SIL1: variants seen among roughly 807,000 people sequenced by gnomAD.
The protein encoded by SIL1 is nucleotide exchange factor SIL1.
SIL1 carries 40 observed loss-of-function variants against 49.1 expected under a neutral mutation model. The observed-to-expected ratio is 0.81, with a 90% CI of 0.63 to 1.06. The LOEUF (loss-of-function observed/expected upper bound fraction) is 1.06, where lower values mean the gene tolerates loss of function less well. Ranked by LOEUF, SIL1 falls within the 50% of genes least tolerant of loss-of-function variation. The pLI is 0.00. For missense variants in SIL1, 500 were observed against 572.6 expected, an observed-to-expected ratio of 0.87 and a Z score of 1.29; for synonymous variants, 253 against 250.8, an observed-to-expected ratio of 1.01 and a Z score of -0.08.
At chr5:139,166,653 C>A (rs1751629663) in intron 1 of SIL1, among the ~76,000 whole-genome samples, 1 of 152,182 alleles carries the variant, frequency 6.6e-6, no homozygotes, top group South Asian at 2.1e-4. Flanking sequence ...GACTTTTTTT[C>A]TTTTTCCTGA....
intron 3 of SIL1, among the ~76,000 whole-genome samples, chr5:139,060,914 A>G (rs1769572752): frequency 6.6e-6 from 1 of 152,174 alleles, no homozygotes; most frequent in Non-Finnish European, 1.5e-5. Context: ...CCCTGGCAGA[A>G]GGACAGGTAA....
At chr5:139,113,323 A>T (rs1195404090) in intron 3 of SIL1, among the ~76,000 whole-genome samples, 9 of 123,180 alleles carry the variant, frequency 7.3e-5, no homozygotes, top group African/African-American at 2.1e-4. Flanking sequence ...AAATAAATAA[A>T]TAAATTTAAA....
intron 4 of SIL1, 126 bp downstream of exon 4, chr5:139,050,812 C>T: frequency 1.2e-6 from 1 of 810,820 alleles, no homozygotes; most frequent in Non-Finnish European, 2.1e-6. Flanking sequence ...ACAGATTTAT[C>T]ACAAATTCTA....
chr5:139,009,136 C>G (rs1404424424), intron 7 of SIL1, among the ~76,000 whole-genome samples: 1 of 151,414 alleles, frequency 6.6e-6, no homozygotes, highest in East Asian at 1.9e-4. Flanking sequence ...CGTTATGAAT[C>G]TGGGTGCTCC....
At chr5:139,092,880 T>A (rs765782101) in intron 3 of SIL1, among the ~76,000 whole-genome samples, 1 of 152,188 alleles carries the variant, frequency 6.6e-6, no homozygotes, top group Non-Finnish European at 1.5e-5. Flanking sequence ...GGAAACTTAA[T>A]CCTGAATGTG....
intron 1 of SIL1, among the ~76,000 whole-genome samples, chr5:139,146,872 A>G (rs2151803858): frequency 6.6e-6 from 1 of 152,238 alleles, no homozygotes; most frequent in East Asian, 1.9e-4. Context: ...TTTCTGTTGG[A>G]TTTTATTTGC....
At chr5:138,964,957 C>T (rs533873284) in intron 7 of SIL1, among the ~76,000 whole-genome samples, 88 of 152,288 alleles carry the variant, frequency 5.8e-4, no homozygotes, top group Non-Finnish European at 9.8e-4. Flanking sequence ...TGAGGGAACC[C>T]GACAAGAAAG....
chr5:139,134,162 G>A (rs1750925005), intron 1 of SIL1, among the ~76,000 whole-genome samples: 1 of 152,162 alleles, frequency 6.6e-6, no homozygotes. Context: ...CTGTCACCCA[G>A]GCTGGAGTGC....
At chr5:138,974,376 G>T (rs970382288) in intron 7 of SIL1, among the ~76,000 whole-genome samples, 25 of 152,138 alleles carry the variant, frequency 1.6e-4, no homozygotes, top group African/African-American at 5.8e-4. Context: ...TACAGCCTCC[G>T]CACTGCTCTG....
intron 3 of SIL1, among the ~76,000 whole-genome samples, chr5:139,087,391 T>C (rs932561388): frequency 4.6e-5 from 7 of 151,942 alleles, no homozygotes; most frequent in Non-Finnish European, 7.4e-5. Context: ...CACAAGGACA[T>C]TGAAAGACTC....
chr5:139,135,100 G>T (rs1560656), intron 1 of SIL1, among the ~76,000 whole-genome samples: 2 of 152,028 alleles, frequency 1.3e-5, no homozygotes, highest in South Asian at 4.1e-4. Flanking sequence ...AGCTTTTCCC[G>T]CCTGAGACAA....
chr5:139,078,389 G>C (rs980013308), intron 3 of SIL1, among the ~76,000 whole-genome samples: 2 of 151,972 alleles, frequency 1.3e-5, no homozygotes, highest in African/African-American at 4.8e-5. Flanking sequence ...AAAAAAAAAG[G>C]GGAGGCCTTA....
intron 1 of SIL1, among the ~76,000 whole-genome samples, chr5:139,182,533 A>G (rs1581157490): frequency 6.6e-6 from 1 of 152,222 alleles, no homozygotes; most frequent in African/African-American, 2.4e-5. Flanking sequence ...AACCTGTGGT[A>G]ACAAAAGAGC....
intron 1 of SIL1, among the ~76,000 whole-genome samples, chr5:139,171,739 G>GA (rs553579332): frequency 1.4e-5 from 2 of 147,192 alleles, no homozygotes; most frequent in Admixed American, 6.7e-5. Context: ...GAAAAAAAAA[G>GA]AAAAAAAATA....
intron 1 of SIL1, among the ~76,000 whole-genome samples, chr5:139,170,202 G>C (rs1751721974): frequency 6.6e-6 from 1 of 152,128 alleles, no homozygotes; most frequent in Non-Finnish European, 1.5e-5. Flanking sequence ...GCAGTGGCGT[G>C]ATCTCGGCTC....
chr5:139,092,321 G>A (rs1000035654), intron 3 of SIL1, among the ~76,000 whole-genome samples: 2 of 152,088 alleles, frequency 1.3e-5, no homozygotes, highest in Non-Finnish European at 2.9e-5. Flanking sequence ...TAACAAAAAG[G>A]GAGCCCATTA....
chr5:139,022,732 A>T (rs1386110282), intron 6 of SIL1: 1 of 152,246 alleles, frequency 6.6e-6, no homozygotes, highest in Non-Finnish European at 1.5e-5. Context: ...GCCCCAGGCC[A>T]TGGACATTTT....
chr5:139,019,220 C>T (rs1010696587), intron 7 of SIL1, among the ~76,000 whole-genome samples: 21 of 152,238 alleles, frequency 1.4e-4, no homozygotes, highest in Middle Eastern at 3.4e-3. Context: ...ATACTAGAAG[C>T]GGTTACAGAG....
At chr5:139,161,013 G>C (rs1055889029) in intron 1 of SIL1, among the ~76,000 whole-genome samples, 1 of 152,220 alleles carries the variant, frequency 6.6e-6, no homozygotes, top group African/African-American at 2.4e-5. Flanking sequence ...GGAGGCTGAG[G>C]CGGGTGGATC....
Sources: gnomAD v4.1 joint callset for allele counts (sites outside exome capture counted in the v4.1 genomes callset) on GRCh38, gnomAD v4.1.1 for gene constraint, MANE v1.5 for transcripts, NCBI Gene and HGNC (gene_info 2026-07-23, HGNC 2026-07-21) for gene names.